The following ADAMTS17 variants were observed in gnomAD, a reference collection of about 807,000 sequenced individuals.
ADAMTS17 encodes A disintegrin and metalloproteinase with thrombospondin motifs 17.
In ADAMTS17, 113 loss-of-function variants were observed where a neutral mutation model predicts 141.5. The observed-to-expected ratio is 0.80, with a 90% CI of 0.69 to 0.93. The LOEUF (loss-of-function observed/expected upper bound fraction) is 0.93, where lower values mean the gene tolerates loss of function less well. Ranked by LOEUF, ADAMTS17 falls within the 40% of genes least tolerant of loss-of-function variation. ADAMTS17 has a pLI of 0.00. For missense variants in ADAMTS17, 1,659 were observed against 1,517.9 expected, an observed-to-expected ratio of 1.09 and a Z score of -1.54; for synonymous variants, 768 against 630.6, an observed-to-expected ratio of 1.22 and a Z score of -3.27.
chr15:100,060,926 C>G (rs76550456), intron 15 of ADAMTS17, among the ~76,000 whole-genome samples: 3,851 of 152,278 alleles, frequency 0.025, 84 homozygotes, highest in Non-Finnish European at 0.038. Flanking sequence ...CCTTTTTGAA[C>G]TAACTTTAGA....
intron 15 of ADAMTS17, among the ~76,000 whole-genome samples, chr15:100,085,386 C>G (rs988489116): frequency 7.4e-6 from 1 of 135,446 alleles, no homozygotes; most frequent in South Asian, 2.2e-4. Flanking sequence ...CTGAAAGTGA[C>G]GAGGAGAACG....
At chr15:100,218,306 C>T (rs547539632) in intron 7 of ADAMTS17, among the ~76,000 whole-genome samples, 1 of 152,292 alleles carries the variant, frequency 6.6e-6, no homozygotes. Context: ...TAAATACATA[C>T]AATTATGGTT....
intron 8 of ADAMTS17, among the ~76,000 whole-genome samples, chr15:100,188,525 T>A (rs1010410808): frequency 2.0e-5 from 3 of 152,196 alleles, no homozygotes; most frequent in Admixed American, 2.0e-4. Flanking sequence ...AAAACCCCCA[T>A]TTCACGGGAA....
chr15:100,200,987 G>A (rs2041309595), intron 7 of ADAMTS17, among the ~76,000 whole-genome samples: 1 of 152,236 alleles, frequency 6.6e-6, no homozygotes, highest in Non-Finnish European at 1.5e-5. Flanking sequence ...AGGTGTCTCA[G>A]GAGGGAAGGA....
At chr15:100,125,709 C>T (rs1432689097) in intron 12 of ADAMTS17, among the ~76,000 whole-genome samples, 2 of 152,182 alleles carry the variant, frequency 1.3e-5, no homozygotes, top group Admixed American at 6.5e-5. Context: ...CCAACAGCAA[C>T]ATAAATTATA....
intron 7 of ADAMTS17, among the ~76,000 whole-genome samples, chr15:100,232,245 G>A (rs144435386): frequency 2.4e-3 from 366 of 152,308 alleles, no homozygotes; most frequent in African/African-American, 3.0e-3. Flanking sequence ...GCCTAGCAGC[G>A]GAAGCCAATC....
intron 8 of ADAMTS17, among the ~76,000 whole-genome samples, chr15:100,182,537 A>G (rs1596209798): frequency 6.6e-6 from 1 of 152,114 alleles, no homozygotes; most frequent in Non-Finnish European, 1.5e-5. Context: ...GCTGCTGTTG[A>G]AGGGTGGGGG....
At chr15:100,289,080 A>G (rs2044632993) in intron 3 of ADAMTS17, among the ~76,000 whole-genome samples, 1 of 152,186 alleles carries the variant, frequency 6.6e-6, no homozygotes, top group South Asian at 2.1e-4. Context: ...GAAAGAGTAA[A>G]TAAGATTGGT....
chr15:100,240,400 C>T (rs932448906), intron 7 of ADAMTS17, among the ~76,000 whole-genome samples: 6 of 152,138 alleles, frequency 3.9e-5, no homozygotes, highest in Admixed American at 1.3e-4. Flanking sequence ...CCACTGTGGC[C>T]GAAGGATTAT....
At chr15:100,003,134 C>T (rs2060963021) in intron 18 of ADAMTS17, among the ~76,000 whole-genome samples, 1 of 152,096 alleles carries the variant, frequency 6.6e-6, no homozygotes, top group South Asian at 2.1e-4. Flanking sequence ...CCCAACCCCA[C>T]CATGGGGGAC....
chr15:100,030,835 G>A (rs2030084965), intron 18 of ADAMTS17, among the ~76,000 whole-genome samples: 1 of 152,194 alleles, frequency 6.6e-6, no homozygotes, highest in Non-Finnish European at 1.5e-5. Context: ...TTTAGATTAT[G>A]TAGTTATAAC....
At chr15:100,100,513 C>T (rs1162875741) in intron 14 of ADAMTS17, among the ~76,000 whole-genome samples, 1 of 152,166 alleles carries the variant, frequency 6.6e-6, no homozygotes, top group African/African-American at 2.4e-5. Flanking sequence ...TAGTTGGACA[C>T]CCCCTGCCAC....
intron 14 of ADAMTS17, among the ~76,000 whole-genome samples, chr15:100,101,499 T>C (rs1451468440): frequency 6.6e-6 from 1 of 152,226 alleles, no homozygotes; most frequent in Non-Finnish European, 1.5e-5. Flanking sequence ...GAACCTCTTC[T>C]TGGTTGTTAA....
chr15:100,047,894 G>A (rs2031835774), intron 18 of ADAMTS17, among the ~76,000 whole-genome samples: 1 of 152,166 alleles, frequency 6.6e-6, no homozygotes. Context: ...CTTCCTCCAG[G>A]CCTTCAGCAT....
At chr15:100,110,346 A>C (rs1242371475) in intron 13 of ADAMTS17, among the ~76,000 whole-genome samples, 1 of 150,258 alleles carries the variant, frequency 6.7e-6, no homozygotes, top group African/African-American at 2.5e-5. Context: ...CTCAATGCAA[A>C]CTCCGCCTCC....
chr15:100,296,580 G>GGT (rs59748937), intron 3 of ADAMTS17, among the ~76,000 whole-genome samples: 1,100 of 108,006 alleles, frequency 0.01, 12 homozygotes, highest in East Asian at 0.063. Flanking sequence ...GGTGAGGGGG[G>GGT]GTGTGTGTGT....
intron 15 of ADAMTS17, among the ~76,000 whole-genome samples, chr15:100,075,806 T>G (rs1235101784): frequency 6.6e-6 from 1 of 152,184 alleles, no homozygotes; most frequent in Non-Finnish European, 1.5e-5. Context: ...TTTTGTTTAT[T>G]TCCATTTTCC....
chr15:100,122,434 T>C (rs1596488774), intron 12 of ADAMTS17, among the ~76,000 whole-genome samples: 1 of 152,292 alleles, frequency 6.6e-6, no homozygotes, highest in East Asian at 1.9e-4. Flanking sequence ...CCACATGTGG[T>C]CCTTCATTTT....
chr15:100,030,142 C>G (rs1018931308), intron 18 of ADAMTS17, among the ~76,000 whole-genome samples: 1 of 152,184 alleles, frequency 6.6e-6, no homozygotes, highest in Non-Finnish European at 1.5e-5. Flanking sequence ...ATGTTTTTCC[C>G]TCCCTGTTCT....
Sources: gnomAD v4.1 joint callset for allele counts (sites outside exome capture counted in the v4.1 genomes callset) on GRCh38, gnomAD v4.1.1 for gene constraint, MANE v1.5 for transcripts, NCBI Gene and HGNC (gene_info 2026-07-23, HGNC 2026-07-21) for gene names.